The following TGFBRAP1 variants were observed in gnomAD, a reference collection of about 807,000 sequenced individuals.
TGFBRAP1 encodes the protein transforming growth factor-beta receptor-associated protein 1.
Under a neutral mutation model 83.2 loss-of-function variants are expected in TGFBRAP1, and 20 were observed. The observed-to-expected ratio is 0.24, with a 90% CI of 0.17 to 0.35. The LOEUF is 0.35. Ranked by LOEUF, TGFBRAP1 falls within the 10% of genes least tolerant of loss-of-function variation. TGFBRAP1 has a pLI of 1.00. For synonymous variants in TGFBRAP1, 415 were observed against 459.8 expected, an observed-to-expected ratio of 0.90 and a Z score of 1.25; for missense variants, 950 against 1,099.4, an observed-to-expected ratio of 0.86 and a Z score of 1.92.
chr2:105,259,184 G>T, the TGFBRAP1 span, among the ~76,000 whole-genome samples: 2 of 152,212 alleles, frequency 1.3e-5, no homozygotes, highest in Non-Finnish European at 1.5e-5. Context: ...GTGGAAATAT[G>T]TTAGGAAATC....
At chr2:105,273,768 T>A in intron 8 of TGFBRAP1, 78 bp from the exon 9 acceptor site, 1 of 1,532,800 alleles carries the variant, frequency 6.5e-7, no homozygotes, top group East Asian at 2.3e-5. Flanking sequence ...TCATTGCACA[T>A]TCAAGCTTTG....
At chr2:105,259,933 C>A (rs1270218615), downstream of TGFBRAP1, among the ~76,000 whole-genome samples, 3 of 152,166 alleles carry the variant, frequency 2.0e-5, no homozygotes, top group East Asian at 3.9e-4. Flanking sequence ...GGGATTAGGA[C>A]AATAAGCAGA....
chr2:105,279,084 G>A (rs1677443468), intron 6 of TGFBRAP1, among the ~76,000 whole-genome samples: 1 of 152,020 alleles, frequency 6.6e-6, no homozygotes, highest in African/African-American at 2.4e-5. Context: ...ATGGAGCTGA[G>A]GGATCACCCA....
At chr2:105,252,814 G>A in the TGFBRAP1 span, among the ~76,000 whole-genome samples, 11 of 147,490 alleles carry the variant, frequency 7.5e-5, no homozygotes, top group African/African-American at 2.0e-4. Context: ...ATGCAGTGGC[G>A]TGATCTCGGC....
chr2:105,294,833 A>G (rs901659318), intron 4 of TGFBRAP1, among the ~76,000 whole-genome samples: 2 of 152,228 alleles, frequency 1.3e-5, no homozygotes, highest in African/African-American at 2.4e-5. Flanking sequence ...AGAAAATGCT[A>G]CACGCTTAAA....
chr2:105,297,638 A>G (rs1256867943), intron 3 of TGFBRAP1, among the ~76,000 whole-genome samples: 1 of 152,248 alleles, frequency 6.6e-6, no homozygotes, highest in African/African-American at 2.4e-5. Flanking sequence ...AGAAAATATG[A>G]TAAAAGCCAT....
At chr2:105,290,132 T>G (rs2104357108) in intron 4 of TGFBRAP1, among the ~76,000 whole-genome samples, 1 of 152,336 alleles carries the variant, frequency 6.6e-6, no homozygotes, top group Admixed American at 6.5e-5. Context: ...AGTGGCACAA[T>G]CTTGGCTCAC....
Position 105,308,567 on chromosome 2 carries a change from C to T in TGFBRAP1, c.-17-249G>A, listed in dbSNP as rs565206525. Among the ~76,000 whole-genome samples the T allele has an allele frequency of 3.9e-5, 6 of 152,232 alleles. No homozygotes were observed. In the East Asian group the frequency reaches 5.8e-4, roughly 15 times the overall value. Reference sequence around the variant, plus strand: ...ACACATATGTATGTGCTTGTGATCACGTGCCATCCTGCTCAGTCCCCACAC... The same window carrying T: ...ACACATATGTATGTGCTTGTGATCATGTGCCATCCTGCTCAGTCCCCACAC... On this transcript the variant is annotated intron_variant, in intron 1 of 11. Coordinates refer to ENST00000393359, the MANE Select transcript of TGFBRAP1 (RefSeq NM_004257.6).
At chr2:105,285,175 C>T (rs542846719) in intron 4 of TGFBRAP1, among the ~76,000 whole-genome samples, 26 of 152,328 alleles carry the variant, frequency 1.7e-4, no homozygotes, top group African/African-American at 5.3e-4. Context: ...AGGCTCTAAT[C>T]GCCTCATGAG....
In TGFBRAP1 at chr2:105,280,537, G is replaced by A. The variant is rs745408220; in HGVS notation, c.1308C>T (p.Arg436=). ...TGTAGCCATTTGCTACCTCTGTGCT[G>A]CGGACCTCGTTCAGGTAGCTCATGA... ...RFLMSYLNEV[R]STEVANGYKE... The change falls in exon 6 of 12, where the codon CGC becomes CGT. Residue 436 remains arginine (R), a synonymous_variant. Transcript: ENST00000393359. 2.5e-6 allele frequency: 4 copies of A among 1,614,178 alleles called. No individual in the cohort carries two copies. In the South Asian group the frequency reaches 3.3e-5, roughly 13 times the overall value.
chr2:105,316,447 G>GTGTGTA (rs1298366375), intron 1 of TGFBRAP1, among the ~76,000 whole-genome samples: 2 of 76,270 alleles, frequency 2.6e-5, no homozygotes, highest in East Asian at 7.4e-4. Flanking sequence ...GTGTGTGTGT[G>GTGTGTA]TGTGTGTGTG....
chr2:105,318,949 C>G (rs1678969840), intron 1 of TGFBRAP1, among the ~76,000 whole-genome samples: 1 of 152,146 alleles, frequency 6.6e-6, no homozygotes, highest in South Asian at 2.1e-4. Context: ...CAGTTCAAAA[C>G]TGGTTTTACT....
intron 1 of TGFBRAP1, among the ~76,000 whole-genome samples, chr2:105,316,064 C>T (rs1678844117): frequency 6.6e-6 from 1 of 152,124 alleles, no homozygotes; most frequent in African/African-American, 2.4e-5. Flanking sequence ...CTCAAAAACA[C>T]TGAGTGGAAG....
At chr2:105,305,566 G>C (rs1023613588) in intron 2 of TGFBRAP1, among the ~76,000 whole-genome samples, 1 of 152,166 alleles carries the variant, frequency 6.6e-6, no homozygotes, top group African/African-American at 2.4e-5. Context: ...TTTTTGGTGG[G>C]ATGAAATGAC....
At position 105,266,717 on chromosome 2, in the gene TGFBRAP1, G is replaced by C. The variant is rs531698762; in HGVS notation, c.*666C>G. The C allele has an allele frequency of 5.3e-4, 81 of 152,404 alleles. No homozygotes were observed. Among genetic ancestry groups the C allele is most frequent in the African/African-American group, 1.8e-3 (74 of 41,588 alleles). The allele number at this position is 152,404 out of a possible 1,614,324, so 9.4% of individuals were successfully genotyped here. On this transcript the variant is annotated 3_prime_UTR_variant, in exon 12 of 12. Transcript: ENST00000393359. ...GAAGCATTAGTTCACCCAAGAGTGAGTGCTTGGGTACACAAGGCAGAATCT... is the reference window on the plus strand; with the variant it reads ...GAAGCATTAGTTCACCCAAGAGTGACTGCTTGGGTACACAAGGCAGAATCT...
intron 2 of TGFBRAP1, among the ~76,000 whole-genome samples, chr2:105,305,314 T>C (rs1678458813): frequency 6.6e-6 from 1 of 152,232 alleles, no homozygotes; most frequent in African/African-American, 2.4e-5. Context: ...GAGGTGACTA[T>C]ACAAAAACTT....
intron 4 of TGFBRAP1, among the ~76,000 whole-genome samples, chr2:105,291,221 T>C (rs1677900696): frequency 6.6e-6 from 1 of 152,042 alleles, no homozygotes; most frequent in South Asian, 2.1e-4. Flanking sequence ...AGTGCCCTTA[T>C]ACTAATCCTG....
intron 1 of TGFBRAP1, among the ~76,000 whole-genome samples, chr2:105,316,456 TGTGTGTGCGCGCGC>T (rs1454349170): frequency 8.4e-4 from 60 of 71,722 alleles, no homozygotes; most frequent in South Asian, 2.5e-3. Context: ...TGTGTGTGTG[TGTGTGTGCGCGCGC>T]GCGCGCGCGC....
intron 4 of TGFBRAP1, among the ~76,000 whole-genome samples, chr2:105,285,063 C>T (rs1677668352): frequency 6.6e-6 from 1 of 152,220 alleles, no homozygotes; most frequent in Admixed American, 6.5e-5. Context: ...CACTCCGTCA[C>T]CGTCCAGCAT....
Sources: gnomAD v4.1 joint callset for allele counts (sites outside exome capture counted in the v4.1 genomes callset) on GRCh38, gnomAD v4.1.1 for gene constraint, MANE v1.5 for transcripts, NCBI Gene and HGNC (gene_info 2026-07-23, HGNC 2026-07-21) for gene names.